The following UCHL5 variants were observed in gnomAD, a reference collection of about 807,000 sequenced individuals.
UCHL5 encodes the protein ubiquitin carboxyl-terminal hydrolase isozyme L5.
In UCHL5, 34 loss-of-function variants were observed where a neutral mutation model predicts 53.8. That is an observed-to-expected ratio of 0.63 (90% CI 0.48 to 0.84). The LOEUF (loss-of-function observed/expected upper bound fraction) is 0.84. Among genes scored for constraint, UCHL5 ranks in the 40% least tolerant of loss-of-function variants. UCHL5 has a pLI of 0.00. For synonymous variants in UCHL5, 111 were observed against 126.3 expected (o/e 0.88, Z 0.81); for missense variants, 290 against 385.6 (o/e 0.75, Z 2.08).
At position 193,024,671 on chromosome 1, in the gene UCHL5, A is replaced by G. The variant is rs182974476; in HGVS notation, c.630-725T>C. On this transcript the variant is annotated intron_variant, in intron 7 of 10. Transcript: ENST00000367454. Reference sequence around the variant, plus strand: ...TGAATGTTTGATTTTCACTACTCTGATATCAATGAAGCATCTCATAACAAG... The same window carrying G: ...TGAATGTTTGATTTTCACTACTCTGGTATCAATGAAGCATCTCATAACAAG... Among the ~76,000 whole-genome samples, 34 of 151,186 alleles carry G rather than the reference A, an allele frequency of 2.2e-4. No individual in the cohort carries two copies. The East Asian group carries it at 5.0e-3, about 22-fold the overall frequency.
intron 10 of UCHL5, among the ~76,000 whole-genome samples, chr1:193,019,587 G>A (rs1264711543): frequency 1.3e-5 from 2 of 151,606 alleles, no homozygotes; most frequent in Non-Finnish European, 3.0e-5. Flanking sequence ...GAAAATGAAG[G>A]CAAACACAAC....
chr1:193,057,670 T>C (rs1455262032), intron 1 of UCHL5, among the ~76,000 whole-genome samples: 1 of 152,220 alleles, frequency 6.6e-6, no homozygotes, highest in African/African-American at 2.4e-5. Context: ...TGGCATACAA[T>C]CTGTCCTCAG....
chr1:193,015,520 AGACCCCC>A lies in UCHL5; in HGVS notation c.*824_*830del, dbSNP rs1255215865. 9 of 152,014 alleles carry A rather than the reference AGACCCCC, an allele frequency of 5.9e-5. No homozygotes were observed. The highest frequency in any genetic ancestry group is 2.2e-4 in the African/African-American group (9 of 41,432). The allele number at this position is 152,014 out of a possible 1,614,324, so 9.4% of individuals were successfully genotyped here. ...GAAATTTATTCAAATTGGCATAGAA[AGACCCCC>A]ATCACCACTACCATCTTTTTAAAAA... On this transcript the variant is annotated 3_prime_UTR_variant, in exon 11 of 11. Transcript: ENST00000367454.
chr1:193,028,619 C>T (rs1660227175), intron 6 of UCHL5, among the ~76,000 whole-genome samples: 1 of 152,040 alleles, frequency 6.6e-6, no homozygotes, highest in Non-Finnish European at 1.5e-5. Flanking sequence ...CTTTCAGAGC[C>T]ACAGATTGTA....
At chr1:193,055,594 A>G (rs1670378741) in intron 1 of UCHL5, among the ~76,000 whole-genome samples, 1 of 152,234 alleles carries the variant, frequency 6.6e-6, no homozygotes, top group African/African-American at 2.4e-5. Flanking sequence ...ACACTTAATA[A>G]TTCTTAACAG....
At chr1:193,045,256 G>A (rs960194754) in intron 3 of UCHL5, among the ~76,000 whole-genome samples, 4 of 152,124 alleles carry the variant, frequency 2.6e-5, no homozygotes, top group African/African-American at 9.7e-5. Context: ...AGTTTAGTGT[G>A]GAAGAAACAC....
At position 193,059,234 on chromosome 1, in the gene UCHL5, G is replaced by A. The variant is rs1671981957; in HGVS notation, c.27C>T (p.Cys9=). 1 of 1,613,902 alleles carries A rather than the reference G, an allele frequency of 6.2e-7. No individual in the cohort carries two copies. The highest frequency in any genetic ancestry group is 1.3e-5 in the African/African-American group (1 of 74,902). The part of the protein sequence containing the change: MTGNAGEW[C]LMESDPGVFT... ...AGACCCCGGGGTCGCTTTCCATGAGGCACCACTCCCCGGCATTGCCCGTCA... is the reference window on the plus strand; with the variant it reads ...AGACCCCGGGGTCGCTTTCCATGAGACACCACTCCCCGGCATTGCCCGTCA... The change falls in exon 1 of 11, where the codon TGC becomes TGT. Residue 9 remains cysteine, a synonymous_variant. Transcript: ENST00000367454. This position sits in a 1 kb window ranked among gnomAD's most constrained non-coding sequence, Gnocchi z 4.9.
At chr1:193,020,313 T>C in intron 10 of UCHL5, 1 of 1,545,952 alleles carries the variant, frequency 6.5e-7, no homozygotes, top group Non-Finnish European at 8.7e-7. Context: ...CTACCATGTA[T>C]TCTCGTCTTT....
At chr1:193,028,026 A>C (rs542162416) in intron 7 of UCHL5, 59 bp downstream of exon 7, 1 of 1,580,816 alleles carries the variant, frequency 6.3e-7, no homozygotes, top group African/African-American at 1.4e-5. Context: ...ATAAAATACA[A>C]GTTTAAAAAA....
chr1:193,042,777 A>G (rs1314695971), intron 3 of UCHL5, among the ~76,000 whole-genome samples: 1 of 152,154 alleles, frequency 6.6e-6, no homozygotes, highest in Admixed American at 6.5e-5. Flanking sequence ...TATTACTCTA[A>G]AGATAAAGAC....
upstream of UCHL5, chr1:193,059,483 C>T: frequency 1.2e-6 from 2 of 1,604,156 alleles, no homozygotes; most frequent in Non-Finnish European, 1.7e-6. The surrounding 1 kb of genome is among the most constrained non-coding windows in gnomAD (Gnocchi z 4.9). Flanking sequence ...CCAGGCCTTG[C>T]AGCACCCGTA....
chr1:193,032,721 T>C (rs1661917162), intron 3 of UCHL5, among the ~76,000 whole-genome samples: 1 of 152,148 alleles, frequency 6.6e-6, no homozygotes, highest in African/African-American at 2.4e-5. Context: ...GCAAAGGATA[T>C]GAACAGACAC....
intron 3 of UCHL5, among the ~76,000 whole-genome samples, chr1:193,030,177 A>C (rs1039628892): frequency 6.6e-6 from 1 of 152,166 alleles, no homozygotes; most frequent in Non-Finnish European, 1.5e-5. Flanking sequence ...TACAGTCTTT[A>C]CATTGCTATC....
At position 193,022,967 on chromosome 1, in the gene UCHL5, T is replaced by C; in HGVS notation, c.802A>G (p.Met268Val). ...TTCTGTACTTCTTCTTCAATAAGCATCTGATTTTTGGCAACTTCTGACTGA... is the reference window on the plus strand; with the variant it reads ...TTCTGTACTTCTTCTTCAATAAGCACCTGATTTTTGGCAACTTCTGACTGA... ...AIQSEVAKNQ[M>V]LIEEEVQKLK... Residue 268 changes from methionine (M) to valine (V), a missense_variant, in exon 9 of 11, where the codon ATG (methionine) becomes GTG (valine). Coordinates refer to ENST00000367454, the MANE Select transcript of UCHL5 (RefSeq NM_001199261.3). 6.2e-7 allele frequency: 1 copy of C among 1,613,224 alleles called. No homozygotes were observed. The highest frequency in any genetic ancestry group is 1.1e-5 in the South Asian group (1 of 91,072).
In UCHL5 at chr1:193,029,465, A is replaced by G; in HGVS notation, c.373-16T>C. ...AGCCTTTCATCTAAAATAATTTTTTAAAGTAGCCTATTAATATACAAACTT... is the reference window on the plus strand; with the variant it reads ...AGCCTTTCATCTAAAATAATTTTTTGAAGTAGCCTATTAATATACAAACTT... On this transcript the variant is annotated splice_polypyrimidine_tract_variant and intron_variant, in intron 4 of 10. Coordinates refer to ENST00000367454, the MANE Select transcript of UCHL5 (RefSeq NM_001199261.3). 1 of 1,613,396 alleles carries G rather than the reference A, an allele frequency of 6.2e-7. No homozygotes were observed. The highest frequency in any genetic ancestry group is 8.5e-7 in the Non-Finnish European group (1 of 1,179,704).
chr1:193,058,627 G>A (rs958416941), intron 1 of UCHL5, among the ~76,000 whole-genome samples: 10 of 152,246 alleles, frequency 6.6e-5, no homozygotes, highest in Non-Finnish European at 4.4e-5. Context: ...CCAGTGAAGT[G>A]GCCTTTCAGG....
intron 3 of UCHL5, among the ~76,000 whole-genome samples, chr1:193,049,341 G>A (rs930313248): frequency 6.6e-6 from 1 of 152,118 alleles, no homozygotes; most frequent in African/African-American, 2.4e-5. Flanking sequence ...TTGAACCTGG[G>A]AGGTGGAGGT....
intron 3 of UCHL5, among the ~76,000 whole-genome samples, chr1:193,033,796 G>T (rs888786741): frequency 6.6e-6 from 1 of 152,088 alleles, no homozygotes; most frequent in African/African-American, 2.4e-5. Flanking sequence ...ATCAGAGAAA[G>T]TTTTTTCACA....
intron 2 of UCHL5, among the ~76,000 whole-genome samples, chr1:193,051,200 T>C (rs1668925808): frequency 6.6e-6 from 1 of 152,046 alleles, no homozygotes; most frequent in Admixed American, 6.6e-5. Flanking sequence ...ACAGGGTCAA[T>C]GTTTGAGGGC....
Sources: allele counts gnomAD v4.1 joint callset (sites outside exome capture counted in the v4.1 genomes callset), GRCh38; gene constraint gnomAD v4.1.1; non-coding constraint Gnocchi (gnomAD v3.1); transcripts MANE v1.5; gene names NCBI Gene and HGNC (gene_info 2026-07-23, HGNC 2026-07-21).